Variants in BTD observed in about 807,000 individuals in gnomAD.
BTD encodes biotinidase.
A neutral mutation model predicts 17.7 loss-of-function variants in BTD; 13 were observed. The observed-to-expected ratio is 0.74, with a 90% CI of 0.48 to 1.17. The LOEUF (loss-of-function observed/expected upper bound fraction) is 1.17. BTD is among the 50% of genes most tolerant of loss of function. The probability of loss-of-function intolerance (pLI) is 0.00; values close to 1 mark genes in which losing one functional copy is unlikely to be tolerated. For missense variants in BTD, 674 were observed against 650.4 expected (o/e 1.04, Z -0.39); for synonymous variants, 240 against 245.2 (o/e 0.98, Z 0.20).
chr3:15,691,583 T>C (rs2068811596), intron 3 of BTD, among the ~76,000 whole-genome samples: 1 of 152,234 alleles, frequency 6.6e-6, no homozygotes, highest in South Asian at 2.1e-4. Flanking sequence ...CCATTTCTTG[T>C]AGAAAATGTC....
At chr3:15,638,404 CAG>C (rs1433619998) in intron 2 of BTD, among the ~76,000 whole-genome samples, 8 of 152,198 alleles carry the variant, frequency 5.3e-5, no homozygotes, top group African/African-American at 1.9e-4. Flanking sequence ...CTGCACAGAT[CAG>C]AGACTGCTGG....
chr3:15,620,913 C>T (rs1037882649), intron 1 of BTD, among the ~76,000 whole-genome samples: 1 of 152,230 alleles, frequency 6.6e-6, no homozygotes, highest in Non-Finnish European at 1.5e-5. Flanking sequence ...AGGCCATCTG[C>T]AAGCTGGAGA....
At chr3:15,602,066 C>T in intron 1 of BTD, 172 bp downstream of exon 1, 1 of 1,446,880 alleles carries the variant, frequency 6.9e-7, no homozygotes, top group Admixed American at 2.8e-5. Context: ...GCTGTGCTAC[C>T]GCGTTGCGTT....
intron 3 of BTD, chr3:15,677,378 G>C (rs2067052397): frequency 2.5e-6 from 2 of 788,474 alleles, no homozygotes; most frequent in East Asian, 2.6e-5. Context: ...GTGATCATTA[G>C]AGAGGTTTGG....
chr3:15,632,137 G>T (rs539126768), intron 1 of BTD, among the ~76,000 whole-genome samples: 2 of 152,180 alleles, frequency 1.3e-5, no homozygotes, highest in Admixed American at 6.5e-5. Flanking sequence ...TTCAGGCCTC[G>T]GTCCAAACAT....
At chr3:15,640,020 C>T (rs964731260) in intron 2 of BTD, among the ~76,000 whole-genome samples, 1 of 152,194 alleles carries the variant, frequency 6.6e-6, no homozygotes, top group African/African-American at 2.4e-5. Context: ...ACGAGAATTA[C>T]TTGAACCCAG....
intron 3 of BTD, among the ~76,000 whole-genome samples, chr3:15,666,949 T>G (rs1472416965): frequency 2.6e-5 from 4 of 152,250 alleles, no homozygotes; most frequent in Admixed American, 2.6e-4. Context: ...TACACTTTTA[T>G]TACTTTCTAC....
chr3:15,709,508 C>T (rs1196531270), intron 3 of BTD, among the ~76,000 whole-genome samples: 1 of 151,980 alleles, frequency 6.6e-6, no homozygotes, highest in African/African-American at 2.4e-5. Context: ...TGGGTGAGAA[C>T]GAATATTTGG....
chr3:15,659,628 A>AT (rs2125539831), intron 3 of BTD, among the ~76,000 whole-genome samples: 1 of 152,198 alleles, frequency 6.6e-6, no homozygotes, highest in South Asian at 2.1e-4. Context: ...TAATATTTCA[A>AT]TTTTTTATTC....
chr3:15,615,943 A>G (rs903663836), intron 1 of BTD, among the ~76,000 whole-genome samples: 1 of 152,196 alleles, frequency 6.6e-6, no homozygotes, highest in Non-Finnish European at 1.5e-5. Context: ...AGTAATATAC[A>G]TCTAAGGTTC....
intron 1 of BTD, 46 bp downstream of exon 1, chr3:15,601,940 G>A: frequency 2.5e-6 from 4 of 1,610,580 alleles, no homozygotes; most frequent in Non-Finnish European, 2.5e-6. Context: ...TGGTAAGGGC[G>A]TGCGGTCCAG....
rs186007441 is a variant in BTD, at chr3:15,619,009, G to C, written c.-16-16415G>C. On this transcript the variant is annotated intron_variant, in intron 1 of 3. Coordinates refer to ENST00000643237, the MANE Select transcript of BTD (RefSeq NM_001370658.1). ...GACAATTTCATCTGTGAACAAAGGC[G>C]GTTTTATTTCTTCTTTCCCAGTTTG... Among the ~76,000 whole-genome samples, 12 of 152,156 alleles carry C rather than the reference G, an allele frequency of 7.9e-5. No homozygotes were observed. The East Asian group carries it at 2.1e-3, about 27-fold the overall frequency.
At chr3:15,610,179 A>G (rs2064574504) in intron 1 of BTD, among the ~76,000 whole-genome samples, 1 of 152,220 alleles carries the variant, frequency 6.6e-6, no homozygotes, top group Admixed American at 6.5e-5. Flanking sequence ...TCTGTTAGTC[A>G]GTTGCCAGTG....
At chr3:15,603,101 A>G (rs768367751) in intron 1 of BTD, among the ~76,000 whole-genome samples, 4 of 152,192 alleles carry the variant, frequency 2.6e-5, no homozygotes, top group Non-Finnish European at 4.4e-5. Flanking sequence ...CCCATGATTC[A>G]GTTACTTCCC....
intron 3 of BTD, among the ~76,000 whole-genome samples, chr3:15,642,984 G>A (rs1017771019): frequency 2.7e-5 from 4 of 145,628 alleles, no homozygotes; most frequent in East Asian, 2.0e-4. Flanking sequence ...GAAAGATCGC[G>A]CCACTGCATT....
At chr3:15,657,878 T>A (rs563816136), downstream of BTD, among the ~76,000 whole-genome samples, 82 of 150,182 alleles carry the variant, frequency 5.5e-4, no homozygotes, top group African/African-American at 2.0e-3. Context: ...GACAAAACAG[T>A]TGGAGGGGGC....
chr3:15,677,376 T>A (rs549598148), intron 3 of BTD: 4 of 782,848 alleles, frequency 5.1e-6, no homozygotes, highest in Non-Finnish European at 8.4e-6. Context: ...CAGTGATCAT[T>A]AGAGAGGTTT....
rs2065739191 is a variant in BTD at position 15,648,249 on chromosome 3, CAA to C, written c.*2763_*2764del. Among the ~76,000 whole-genome samples the C allele has an allele frequency of 7.0e-6, 1 of 142,122 alleles. No homozygotes were observed. The highest frequency in any genetic ancestry group is 1.5e-5 in the Non-Finnish European group (1 of 65,424). 93.2% of individuals were successfully genotyped at this position (142,122 alleles called of 152,430 possible). ...GACCACTCAAAGAACAATTTCTCAA[CAA>C]AGTGGATTTATATAGGACAAAATAG... On this transcript the variant is annotated 3_prime_UTR_variant, in exon 4 of 4. Coordinates refer to ENST00000643237, the MANE Select transcript of BTD (RefSeq NM_001370658.1).
intron 3 of BTD, among the ~76,000 whole-genome samples, chr3:15,661,955 C>T (rs1422822543): frequency 6.6e-6 from 1 of 152,198 alleles, no homozygotes; most frequent in Non-Finnish European, 1.5e-5. Flanking sequence ...GGGTCTATTT[C>T]TGGGTTCTCT....
Sources: allele counts gnomAD v4.1 joint callset (sites outside exome capture counted in the v4.1 genomes callset), GRCh38; gene constraint gnomAD v4.1.1; transcripts MANE v1.5; gene names NCBI Gene and HGNC (gene_info 2026-07-23, HGNC 2026-07-21).